NHS: variants seen among roughly 807,000 people sequenced by gnomAD.
NHS encodes the protein actin remodeling regulator NHS.
In NHS, 5 loss-of-function variants were observed where a neutral mutation model predicts 72.5. That is an observed-to-expected ratio of 0.07 (90% CI 0.04 to 0.14). The LOEUF is 0.14. Ranked by LOEUF, NHS falls within the 10% of genes least tolerant of loss-of-function variation. NHS has a pLI of 1.00. For synonymous variants in NHS, 464 were observed against 547.7 expected, an observed-to-expected ratio of 0.85 and a Z score of 2.13; for missense variants, 1,072 against 1,355.7, an observed-to-expected ratio of 0.79 and a Z score of 3.29.
chrX:17,466,596 G>A (rs1285578121), intron 1 of NHS, among the ~76,000 whole-genome samples: 1 of 111,828 alleles, frequency 8.9e-6, no homozygotes, highest in Non-Finnish European at 1.9e-5. Flanking sequence ...GGAACAGAAA[G>A]TTCTTTGCTG....
At chrX:17,683,015 G>C (rs1209398029) in intron 1 of NHS, among the ~76,000 whole-genome samples, 2 of 111,592 alleles carry the variant, frequency 1.8e-5, no homozygotes, top group African/African-American at 3.3e-5. Flanking sequence ...GTCTAAGTTA[G>C]CTCATTTCAG....
intron 1 of NHS, among the ~76,000 whole-genome samples, chrX:17,562,339 G>C (rs1044911408): frequency 8.7e-4 from 98 of 112,221 alleles, no homozygotes; most frequent in African/African-American, 3.0e-3. Flanking sequence ...CCACCTGAGG[G>C]GTGAGGCAGC....
chrX:17,712,389 C>CAA (rs1340183864), intron 3 of NHS, among the ~76,000 whole-genome samples: 1 of 90,716 alleles, frequency 1.1e-5, no homozygotes, highest in African/African-American at 4.8e-5. Context: ...CACACACACA[C>CAA]ACACATATAT....
intron 3 of NHS, among the ~76,000 whole-genome samples, chrX:17,709,656 G>T (rs1601847722): frequency 8.9e-6 from 1 of 111,782 alleles, no homozygotes; most frequent in Non-Finnish European, 1.9e-5. Context: ...CATTCCCAGG[G>T]CTGGAGGAAT....
chrX:17,585,895 T>C (rs2065573020), intron 1 of NHS: 4 of 110,287 alleles, frequency 3.6e-5, no homozygotes, highest in Admixed American at 1.9e-4. Flanking sequence ...TATAAAAAAA[T>C]AATAAGAGTG....
chrX:17,575,073 T>TA (rs1381533156), intron 1 of NHS, among the ~76,000 whole-genome samples: 1 of 112,558 alleles, frequency 8.9e-6, no homozygotes, highest in Non-Finnish European at 1.9e-5. Context: ...CTAAAACTAC[T>TA]ACGTACTCCT....
chrX:17,485,196 T>C (rs2064962625), intron 1 of NHS, among the ~76,000 whole-genome samples: 2 of 112,706 alleles, frequency 1.8e-5, no homozygotes, highest in South Asian at 3.7e-4. Context: ...CTCAACCTTA[T>C]GTGCACTAAT....
At chrX:17,684,714 AC>A (rs2066151872) in intron 1 of NHS, among the ~76,000 whole-genome samples, 1 of 111,348 alleles carries the variant, frequency 9.0e-6, no homozygotes, top group Non-Finnish European at 1.9e-5. Flanking sequence ...AGACCGTAAA[AC>A]CCTTTTCGAC....
intron 1 of NHS, among the ~76,000 whole-genome samples, chrX:17,559,142 C>T (rs940140078): frequency 5.4e-5 from 6 of 111,939 alleles, no homozygotes; most frequent in African/African-American, 9.8e-5. Flanking sequence ...AGGGCTGTTC[C>T]ATCAAGGGAA....
chrX:17,547,929 A>G (rs1601761820), intron 1 of NHS, among the ~76,000 whole-genome samples: 2 of 111,662 alleles, frequency 1.8e-5, no homozygotes, highest in African/African-American at 6.5e-5. Context: ...GCCTTCCAGG[A>G]GGCTAGTCCG....
At chrX:17,499,395 A>G (rs1367600992) in intron 1 of NHS, among the ~76,000 whole-genome samples, 1 of 111,745 alleles carries the variant, frequency 8.9e-6, no homozygotes, top group Admixed American at 9.5e-5. Context: ...ACTTTCCCCT[A>G]AATAGAAGTT....
At chrX:17,507,902 G>A (rs1289326472) in intron 1 of NHS, among the ~76,000 whole-genome samples, 2 of 111,758 alleles carry the variant, frequency 1.8e-5, no homozygotes, top group East Asian at 5.6e-4. Context: ...GGGCAAGCAT[G>A]ATAAAGGACA....
At chrX:17,695,506 G>A (rs1218776768) in intron 3 of NHS, among the ~76,000 whole-genome samples, 1 of 111,915 alleles carries the variant, frequency 8.9e-6, no homozygotes, top group Non-Finnish European at 1.9e-5. Context: ...GTCAACGAGT[G>A]TATATGTATG....
At chrX:17,683,225 T>C (rs2066140122) in intron 1 of NHS, among the ~76,000 whole-genome samples, 2 of 112,344 alleles carry the variant, frequency 1.8e-5, no homozygotes, top group Admixed American at 9.4e-5. Context: ...GGTGTTGTCT[T>C]TCTGATATAA....
At chrX:17,585,984 G>C (rs1475757454) in intron 1 of NHS, 1 of 110,805 alleles carries the variant, frequency 9.0e-6, no homozygotes, top group Non-Finnish European at 1.9e-5. Context: ...GGCGGGACCA[G>C]ACTGGAGATG....
At chrX:17,386,679 A>AG (rs1555982548) in intron 1 of NHS, among the ~76,000 whole-genome samples, 3 of 108,839 alleles carry the variant, frequency 2.8e-5, no homozygotes, top group Admixed American at 9.9e-5. Flanking sequence ...AAAAAAAAAA[A>AG]AAAAAGAAAA....
At chrX:17,712,544 T>G (rs2066341228) in intron 3 of NHS, among the ~76,000 whole-genome samples, 1 of 106,695 alleles carries the variant, frequency 9.4e-6, no homozygotes, top group Admixed American at 1.0e-4. Flanking sequence ...ATAACAATGC[T>G]TTTTTGTGTT....
At chrX:17,493,774 G>A (rs974304032) in intron 1 of NHS, among the ~76,000 whole-genome samples, 2 of 111,812 alleles carry the variant, frequency 1.8e-5, no homozygotes, top group African/African-American at 6.5e-5. Context: ...AAGATTTTTA[G>A]GTGATTCTGT....
intron 1 of NHS, among the ~76,000 whole-genome samples, chrX:17,540,663 G>C (rs2065258076): frequency 8.9e-6 from 1 of 112,282 alleles, no homozygotes; most frequent in Non-Finnish European, 1.9e-5. Context: ...TCAACCCTCT[G>C]AAGAACTTGG....
Sources: gnomAD v4.1 joint callset for allele counts (sites outside exome capture counted in the v4.1 genomes callset) on GRCh38, gnomAD v4.1.1 for gene constraint, MANE v1.5 for transcripts, NCBI Gene and HGNC (gene_info 2026-07-23, HGNC 2026-07-21) for gene names.